The following DSCAM variants were observed in gnomAD, a reference collection of about 807,000 sequenced individuals.
The protein encoded by DSCAM is cell adhesion molecule DSCAM.
DSCAM carries 47 observed loss-of-function variants against 217.7 expected under a neutral mutation model. The observed-to-expected ratio is 0.22, with a 90% CI of 0.17 to 0.28. DSCAM has a LOEUF of 0.28. DSCAM is among the 10% of genes least tolerant of loss of function. The probability of loss-of-function intolerance (pLI) is 1.00; values close to 1 mark genes in which losing one functional copy is unlikely to be tolerated. For missense variants in DSCAM, 2,080 were observed against 2,618.3 expected, an observed-to-expected ratio of 0.79 and a Z score of 4.49; for synonymous variants, 1,056 against 1,015.3, an observed-to-expected ratio of 1.04 and a Z score of -0.76.
chr21:40,139,561 G>A (rs2063057688), intron 18 of DSCAM, among the ~76,000 whole-genome samples: 1 of 152,000 alleles, frequency 6.6e-6, no homozygotes, highest in South Asian at 2.1e-4. Flanking sequence ...AATAGAATGG[G>A]AGGCAGGTTG....
At position 40,300,435 on chromosome 21, in the gene DSCAM, G is replaced by A. The variant is rs375680605; in HGVS notation, c.2063-4261C>T. 2.2e-4 allele frequency among the ~76,000 whole-genome samples: 34 copies of A among 152,322 alleles called. No homozygotes were observed. The East Asian group carries it at 5.4e-3, about 24-fold the overall frequency. On this transcript the variant is annotated intron_variant, in intron 9 of 32. Coordinates refer to ENST00000400454, the MANE Select transcript of DSCAM (RefSeq NM_001389.5). ...CAGTCACAGTGAGTAGTCTGGTTAT[G>A]TGGGAAAGGGGCACAGCCCCTCTGT...
chr21:40,328,805 AC>A (rs139363723), intron 8 of DSCAM, among the ~76,000 whole-genome samples: 1,938 of 152,308 alleles, frequency 0.013, 46 homozygotes, highest in African/African-American at 0.044. Context: ...CAAGAAAACA[AC>A]CTGATTTGAA....
At chr21:40,204,629 T>G (rs2091104695) in intron 11 of DSCAM, among the ~76,000 whole-genome samples, 1 of 152,150 alleles carries the variant, frequency 6.6e-6, no homozygotes, top group Admixed American at 6.5e-5. Flanking sequence ...GTTTTGCAGA[T>G]AGAAAAGCAC....
chr21:40,692,187 C>A lies in DSCAM; in HGVS notation c.508+623G>T, dbSNP rs542207040. ...TGCATCACGCGGACAGTCGCCTTTC[C>A]AGGTAAATAGCACAGAGCAAGAAAT... On this transcript the variant is annotated intron_variant, in intron 3 of 32. Coordinates refer to ENST00000400454, the MANE Select transcript of DSCAM (RefSeq NM_001389.5). Among the ~76,000 whole-genome samples, 12 of 152,302 alleles carry A rather than the reference C, an allele frequency of 7.9e-5. No individual in the cohort carries two copies. In the South Asian group the frequency reaches 2.5e-3, roughly 32 times the overall value.
At chr21:40,114,202 T>C (rs201687295) in intron 20 of DSCAM, among the ~76,000 whole-genome samples, 12,970 of 143,738 alleles carry the variant, frequency 0.09, 899 homozygotes, top group East Asian at 0.3. Flanking sequence ...ATGGTACTGG[T>C]ACCAAAACAG....
chr21:40,177,194 T>C (rs754789682), intron 15 of DSCAM, among the ~76,000 whole-genome samples: 2 of 152,236 alleles, frequency 1.3e-5, no homozygotes, highest in African/African-American at 4.8e-5. Context: ...ACATACATAA[T>C]TAAATACAAT....
chr21:40,053,682 G>A (rs1343572131), intron 29 of DSCAM, among the ~76,000 whole-genome samples: 1 of 152,168 alleles, frequency 6.6e-6, no homozygotes, highest in Non-Finnish European at 1.5e-5. Flanking sequence ...TCGACCCATT[G>A]TCAGGCATCA....
intron 11 of DSCAM, among the ~76,000 whole-genome samples, chr21:40,221,058 G>C (rs915252794): frequency 6.6e-6 from 1 of 152,138 alleles, no homozygotes; most frequent in African/African-American, 2.4e-5. Flanking sequence ...AATTCACATG[G>C]CTAGTGAGAA....
intron 16 of DSCAM, among the ~76,000 whole-genome samples, chr21:40,160,275 G>A (rs2090526449): frequency 6.6e-6 from 1 of 152,202 alleles, no homozygotes; most frequent in African/African-American, 2.4e-5. Flanking sequence ...AGGTCATTTT[G>A]TTAGGTGTAG....
chr21:40,303,080 A>AG (rs1264260958), intron 9 of DSCAM, among the ~76,000 whole-genome samples: 6 of 152,090 alleles, frequency 3.9e-5, no homozygotes, highest in Admixed American at 1.3e-4. Context: ...TGGAGGTGGG[A>AG]GGGGGTGCAT....
chr21:40,531,965 G>A (rs2076450521), intron 3 of DSCAM, among the ~76,000 whole-genome samples: 2 of 152,174 alleles, frequency 1.3e-5, no homozygotes, highest in Non-Finnish European at 2.9e-5. Context: ...GCCTCAAGTA[G>A]GCAGAGCTGG....
chr21:40,111,071 A>G lies in DSCAM; in HGVS notation c.3696+13124T>C, dbSNP rs568530763. 2.0e-5 allele frequency among the ~76,000 whole-genome samples: 3 copies of G among 152,306 alleles called. No homozygotes were observed. The South Asian group carries it at 6.2e-4, about 32-fold the overall frequency. ...ATTCAGGAAATACAGAGAACACCAT[A>G]AAGATACTCCTTGAGAAGAGCAACT... is the stretch of plus-strand genomic sequence containing the variant. On this transcript the variant is annotated intron_variant, in intron 20 of 32. Coordinates refer to ENST00000400454, the MANE Select transcript of DSCAM (RefSeq NM_001389.5).
chr21:40,445,296 T>C (rs1315060107), intron 3 of DSCAM, among the ~76,000 whole-genome samples: 1 of 152,200 alleles, frequency 6.6e-6, no homozygotes, highest in African/African-American at 2.4e-5. Flanking sequence ...AAGCTTTAAT[T>C]GCGTGCTGGC....
intron 3 of DSCAM, among the ~76,000 whole-genome samples, chr21:40,505,942 C>A (rs981193312): frequency 1.3e-5 from 2 of 152,154 alleles, no homozygotes; most frequent in South Asian, 2.1e-4. Context: ...CTGTATCTGA[C>A]TCATTTTCAT....
chr21:40,823,772 G>A (rs1423627004), intron 1 of DSCAM, among the ~76,000 whole-genome samples: 2 of 152,110 alleles, frequency 1.3e-5, no homozygotes, highest in African/African-American at 2.4e-5. Context: ...GTTGATTGAA[G>A]CTGATTAGCC....
intron 32 of DSCAM, among the ~76,000 whole-genome samples, chr21:40,020,881 T>C (rs772850207): frequency 6.6e-6 from 1 of 152,150 alleles, no homozygotes; most frequent in Non-Finnish European, 1.5e-5. Context: ...TTGCACACCA[T>C]GAACCCACTG....
intron 9 of DSCAM, among the ~76,000 whole-genome samples, chr21:40,299,793 AAAGT>A (rs2073994431): frequency 6.6e-6 from 1 of 152,156 alleles, no homozygotes; most frequent in Non-Finnish European, 1.5e-5. Context: ...CCAATTTTTT[AAAGT>A]AAGCAGCAGT....
intron 8 of DSCAM, among the ~76,000 whole-genome samples, chr21:40,319,859 C>A (rs1336437406): frequency 1.3e-5 from 2 of 152,168 alleles, no homozygotes; most frequent in Non-Finnish European, 2.9e-5. Flanking sequence ...CCATGGAATA[C>A]TTTGCAGCCA....
chr21:40,194,132 C>T (rs909631605), intron 11 of DSCAM, among the ~76,000 whole-genome samples: 2 of 152,172 alleles, frequency 1.3e-5, no homozygotes, highest in African/African-American at 4.8e-5. Flanking sequence ...TCTTAATCTG[C>T]ACACAATACT....
Sources: allele counts gnomAD v4.1 joint callset (sites outside exome capture counted in the v4.1 genomes callset), GRCh38; gene constraint gnomAD v4.1.1; transcripts MANE v1.5; gene names NCBI Gene and HGNC (gene_info 2026-07-23, HGNC 2026-07-21).